Variants in PLCE1 observed in about 807,000 individuals in gnomAD.
PLCE1 encodes the protein 1-phosphatidylinositol 4,5-bisphosphate phosphodiesterase epsilon-1.
A neutral mutation model predicts 242.8 loss-of-function variants in PLCE1; 119 were observed. That is an observed-to-expected ratio of 0.49 (90% CI 0.42 to 0.57). PLCE1 has a LOEUF of 0.57. Ranked by LOEUF, PLCE1 falls within the 20% of genes least tolerant of loss-of-function variation. The pLI is 0.00. For synonymous variants in PLCE1, 945 were observed against 1,017.4 expected (o/e 0.93, Z 1.35); for missense variants, 2,441 against 2,788.8 (o/e 0.88, Z 2.81).
chr10:94,324,120 G>GAC (rs2053924631), intron 30 of PLCE1, among the ~76,000 whole-genome samples: 1 of 152,106 alleles, frequency 6.6e-6, no homozygotes, highest in Non-Finnish European at 1.5e-5. Context: ...CTGAAATTCA[G>GAC]GATAATAACA....
intron 24 of PLCE1, among the ~76,000 whole-genome samples, chr10:94,303,169 C>CA (rs1285331128): frequency 6.6e-6 from 1 of 152,228 alleles, no homozygotes; most frequent in African/African-American, 2.4e-5. Context: ...ATTTTACAGA[C>CA]AGGACAAGTA....
intron 1 of PLCE1, among the ~76,000 whole-genome samples, chr10:93,995,604 A>G (rs879433637): frequency 6.6e-6 from 1 of 152,276 alleles, no homozygotes; most frequent in Non-Finnish European, 1.5e-5. Context: ...TTTACAACAT[A>G]AATATCTACT....
chr10:94,136,408 T>A (rs1267431124), intron 3 of PLCE1, among the ~76,000 whole-genome samples: 2 of 152,242 alleles, frequency 1.3e-5, no homozygotes, highest in African/African-American at 2.4e-5. Flanking sequence ...TGTATGTATT[T>A]TATCATAAGA....
At chr10:94,044,585 A>T (rs2061840941) in intron 2 of PLCE1, among the ~76,000 whole-genome samples, 1 of 152,222 alleles carries the variant, frequency 6.6e-6, no homozygotes, top group Non-Finnish European at 1.5e-5. Context: ...TTCAGTGTTG[A>T]TGGACAGTTC....
At chr10:94,133,307 T>C (rs369225560) in intron 3 of PLCE1, among the ~76,000 whole-genome samples, 20 of 152,276 alleles carry the variant, frequency 1.3e-4, no homozygotes, top group East Asian at 3.9e-4. Flanking sequence ...TGGGGTCCCT[T>C]GGCATATGAA....
chr10:94,130,419 G>T (rs1179317342), intron 2 of PLCE1, among the ~76,000 whole-genome samples: 1 of 152,148 alleles, frequency 6.6e-6, no homozygotes, highest in South Asian at 2.1e-4. Flanking sequence ...CTAGACACTA[G>T]GCTGAGTATG....
chr10:94,053,410 A>G (rs770494462), intron 2 of PLCE1, among the ~76,000 whole-genome samples: 1 of 152,222 alleles, frequency 6.6e-6, no homozygotes, highest in Non-Finnish European at 1.5e-5. Context: ...TGTGCTCTTT[A>G]TGTCTGAGCA....
rs541201363 is a variant in PLCE1, at chr10:94,289,355, G to A, written c.5036-4153G>A. The stretch of plus-strand genomic sequence containing the variant: ...CTCCTGATTTTAGCAGTGCCAATAT[G>A]TTGAATCCTCTGATGTCTCTGGGAG... On this transcript the variant is annotated intron_variant, in intron 22 of 32. Coordinates refer to ENST00000371380, the MANE Select transcript of PLCE1 (RefSeq NM_016341.4). Among the ~76,000 whole-genome samples, 21 of 152,306 alleles carry A rather than the reference G, an allele frequency of 1.4e-4. No homozygotes were observed. In the South Asian group the frequency reaches 3.9e-3, roughly 29 times the overall value.
chr10:94,240,425 A>G (rs781603006), intron 7 of PLCE1, among the ~76,000 whole-genome samples: 61 of 152,286 alleles, frequency 4.0e-4, no homozygotes, highest in Middle Eastern at 3.4e-3. Flanking sequence ...ATATAATAAG[A>G]GAATGCTTAT....
At chr10:94,113,685 G>C (rs2046025542) in intron 2 of PLCE1, among the ~76,000 whole-genome samples, 1 of 152,220 alleles carries the variant, frequency 6.6e-6, no homozygotes, top group Non-Finnish European at 1.5e-5. Context: ...TAGTTAAGCA[G>C]TGACATTAAG....
chr10:94,132,533 C>A, intron 3 of PLCE1, 74 bp downstream of exon 3: 1 of 1,393,290 alleles, frequency 7.2e-7, no homozygotes, highest in Non-Finnish European at 1.0e-6. Context: ...ATTTATGTAT[C>A]TCCTGATGGA....
chr10:94,177,916 A>C (rs908345279), intron 4 of PLCE1, among the ~76,000 whole-genome samples: 1 of 152,154 alleles, frequency 6.6e-6, no homozygotes, highest in Admixed American at 6.6e-5. Context: ...CTCTTTCCTG[A>C]GAAGCACTTT....
At chr10:94,039,379 T>C (rs531694307) in intron 2 of PLCE1, among the ~76,000 whole-genome samples, 7 of 151,924 alleles carry the variant, frequency 4.6e-5, no homozygotes, top group African/African-American at 1.7e-4. Flanking sequence ...AGTTTCTCCA[T>C]ATCTTTTTTT....
At position 94,132,185 on chromosome 10, in the gene PLCE1, A is replaced by G. The variant is rs917472383; in HGVS notation, c.1218A>G (p.Ala406=). 3 of 1,613,774 alleles carry G rather than the reference A, an allele frequency of 1.9e-6. No individual in the cohort carries two copies. The highest frequency in any genetic ancestry group is 1.1e-5 in the South Asian group (1 of 91,070). The change falls in exon 3 of 33, where the codon GCA becomes GCG. Residue 406 remains alanine (A), a synonymous_variant. Transcript: ENST00000371380. ...SEAQWYPIYN[A]VRREETENTV... ...TGTGCTATTCACAGATCTACAATGCAGTGAGAAGAGAAGAAACAGAAAATA... is the reference window on the plus strand; with the variant it reads ...TGTGCTATTCACAGATCTACAATGCGGTGAGAAGAGAAGAAACAGAAAATA...
chr10:94,143,258 G>A (rs1043421567), intron 3 of PLCE1, among the ~76,000 whole-genome samples: 1 of 152,140 alleles, frequency 6.6e-6, no homozygotes, highest in Non-Finnish European at 1.5e-5. Flanking sequence ...CTCCAGAGTA[G>A]AAAGATGCTA....
chr10:94,001,986 A>G (rs912248412), intron 1 of PLCE1, among the ~76,000 whole-genome samples: 5 of 152,176 alleles, frequency 3.3e-5, no homozygotes, highest in African/African-American at 1.2e-4. Flanking sequence ...GAGTGGATTC[A>G]CTTAGACCTA....
intron 2 of PLCE1, among the ~76,000 whole-genome samples, chr10:94,082,435 C>T (rs916913967): frequency 1.3e-5 from 2 of 152,080 alleles, no homozygotes; most frequent in African/African-American, 4.8e-5. Flanking sequence ...TTCCTGCTCC[C>T]GGGACTGGAG....
chr10:94,191,275 G>A (rs190198011), intron 4 of PLCE1, among the ~76,000 whole-genome samples: 46 of 152,248 alleles, frequency 3.0e-4, no homozygotes, highest in Non-Finnish European at 5.6e-4. Flanking sequence ...ACATTTGCAG[G>A]AGAATTTCAC....
chr10:94,293,750 T>C, intron 23 of PLCE1, 111 bp downstream of exon 23: 1 of 1,224,420 alleles, frequency 8.2e-7, no homozygotes, highest in Non-Finnish European at 1.2e-6. Flanking sequence ...TCCTGAACAT[T>C]AATATTGTCT....
Sources: allele counts gnomAD v4.1 joint callset (sites outside exome capture counted in the v4.1 genomes callset), GRCh38; gene constraint gnomAD v4.1.1; transcripts MANE v1.5; gene names NCBI Gene and HGNC (gene_info 2026-07-23, HGNC 2026-07-21).